The following PIP4K2A variants were observed in gnomAD, a reference collection of about 807,000 sequenced individuals.
The protein encoded by PIP4K2A is phosphatidylinositol 5-phosphate 4-kinase type-2 alpha.
A neutral mutation model predicts 42.9 loss-of-function variants in PIP4K2A; 14 were observed. The observed-to-expected ratio is 0.33, with a 90% CI of 0.22 to 0.51. The LOEUF (loss-of-function observed/expected upper bound fraction) is 0.51, where lower values mean the gene tolerates loss of function less well. Ranked by LOEUF, PIP4K2A falls within the 20% of genes least tolerant of loss-of-function variation. PIP4K2A has a pLI of 0.97. For synonymous variants in PIP4K2A, 192 were observed against 192.2 expected (o/e 1.00, Z 0.01); for missense variants, 434 against 519.8 (o/e 0.83, Z 1.61).
chr10:22,682,044 C>T (rs1485732376), intron 1 of PIP4K2A, among the ~76,000 whole-genome samples: 2 of 151,854 alleles, frequency 1.3e-5, no homozygotes, highest in Admixed American at 1.3e-4. Flanking sequence ...TTCGTGGCCA[C>T]ACAAAAACAA....
intron 1 of PIP4K2A, among the ~76,000 whole-genome samples, chr10:22,678,909 T>G (rs1280929574): frequency 6.6e-6 from 1 of 152,242 alleles, no homozygotes. Flanking sequence ...ATGTGTTCCC[T>G]ATGTATTGTC....
At chr10:22,545,021 G>C (rs1836227613) in intron 7 of PIP4K2A, among the ~76,000 whole-genome samples, 1 of 152,222 alleles carries the variant, frequency 6.6e-6, no homozygotes, top group Admixed American at 6.5e-5. Context: ...TCCCAAGCAA[G>C]GCAGCCCCAA....
At chr10:22,625,782 T>C (rs1426805436) in intron 1 of PIP4K2A, among the ~76,000 whole-genome samples, 1 of 152,200 alleles carries the variant, frequency 6.6e-6, no homozygotes, top group East Asian at 1.9e-4. Flanking sequence ...GCCACAGCAA[T>C]ATCATGTTTT....
chr10:22,545,058 C>T (rs1836228419), intron 7 of PIP4K2A, among the ~76,000 whole-genome samples: 2 of 152,230 alleles, frequency 1.3e-5, no homozygotes, highest in Admixed American at 1.3e-4. Flanking sequence ...TTGGCTTTCA[C>T]TGCATTCCCG....
intron 7 of PIP4K2A, among the ~76,000 whole-genome samples, chr10:22,544,161 G>A (rs964670498): frequency 1.3e-5 from 2 of 152,188 alleles, no homozygotes; most frequent in African/African-American, 2.4e-5. Context: ...GTGGGTCTCC[G>A]GAGGGTTAGG....
At chr10:22,709,509 G>A (rs1833879583) in intron 1 of PIP4K2A, among the ~76,000 whole-genome samples, 2 of 152,034 alleles carry the variant, frequency 1.3e-5, no homozygotes, top group South Asian at 4.2e-4. Context: ...TAATTACTCT[G>A]GTTGCCTGTA....
At chr10:22,580,573 C>A (rs12357384) in intron 4 of PIP4K2A, among the ~76,000 whole-genome samples, 36,458 of 149,554 alleles carry the variant, frequency 0.24, 5,529 homozygotes, top group Non-Finnish European at 0.34. Context: ...TATTATTTGA[C>A]CCGGTCATTC....
At chr10:22,573,560 T>A in intron 4 of PIP4K2A, 103 bp from the exon 5 acceptor site, 1 of 930,628 alleles carries the variant, frequency 1.1e-6, no homozygotes, top group Non-Finnish European at 1.6e-6. Context: ...AGTGAAAACC[T>A]CCAGCCATTA....
intron 5 of PIP4K2A, chr10:22,569,062 G>A: frequency 6.5e-7 from 1 of 1,533,934 alleles, no homozygotes; most frequent in South Asian, 1.2e-5. Flanking sequence ...CATCTGCAAA[G>A]AAATCAAAAT....
chr10:22,584,494 AGG>A (rs773574124), intron 4 of PIP4K2A, among the ~76,000 whole-genome samples: 59 of 152,112 alleles, frequency 3.9e-4, no homozygotes, highest in Non-Finnish European at 1.6e-4. Context: ...GAGAAACAGA[AGG>A]GGAGAGGTGA....
chr10:22,655,034 G>A (rs1195724075), intron 1 of PIP4K2A, among the ~76,000 whole-genome samples: 1 of 152,018 alleles, frequency 6.6e-6, no homozygotes, highest in African/African-American at 2.4e-5. Context: ...GGGGCCAGGA[G>A]TTTGAGACCA....
intron 1 of PIP4K2A, among the ~76,000 whole-genome samples, chr10:22,630,647 C>A (rs1043718186): frequency 6.6e-6 from 1 of 152,226 alleles, no homozygotes; most frequent in Admixed American, 6.5e-5. Context: ...TGTTTTTAGA[C>A]ATTAGCAAAT....
At chr10:22,560,098 T>C (rs887066451) in intron 6 of PIP4K2A, among the ~76,000 whole-genome samples, 1 of 152,180 alleles carries the variant, frequency 6.6e-6, no homozygotes, top group Non-Finnish European at 1.5e-5. Context: ...GGTAGTAGGA[T>C]TGGTGTCCCT....
At chr10:22,629,449 T>C (rs1838506904) in intron 1 of PIP4K2A, among the ~76,000 whole-genome samples, 1 of 152,162 alleles carries the variant, frequency 6.6e-6, no homozygotes, top group Non-Finnish European at 1.5e-5. Context: ...AGGAAAGCAA[T>C]CTATGCTAAC....
chr10:22,588,424 C>A (rs917969068), intron 4 of PIP4K2A, among the ~76,000 whole-genome samples: 5 of 152,180 alleles, frequency 3.3e-5, no homozygotes, highest in Non-Finnish European at 5.9e-5. Context: ...AGTACCAAGA[C>A]CACTTACATT....
At chr10:22,690,305 A>AT (rs1839839566) in intron 1 of PIP4K2A, among the ~76,000 whole-genome samples, 1 of 152,224 alleles carries the variant, frequency 6.6e-6, no homozygotes, top group African/African-American at 2.4e-5. Flanking sequence ...CACACAGCTA[A>AT]TAAGTGCTGA....
intron 1 of PIP4K2A, among the ~76,000 whole-genome samples, chr10:22,624,364 C>A (rs1473546571): frequency 6.6e-6 from 1 of 152,174 alleles, no homozygotes; most frequent in Non-Finnish European, 1.5e-5. Flanking sequence ...ATACTGCGGG[C>A]AGAGGCATAG....
In PIP4K2A at chr10:22,629,807, A is replaced by G. The variant is rs191249291; in HGVS notation, c.145-20090T>C. The stretch of plus-strand genomic sequence containing the variant: ...CTGTAGTTTTTGTTTTTATTAGCAC[A>G]TGTAGATACATGATACATGTGATAA... On this transcript the variant is annotated intron_variant, in intron 1 of 9. Transcript: ENST00000376573. 1.9e-3 allele frequency among the ~76,000 whole-genome samples: 295 copies of G among 152,324 alleles called. 3 individuals carry two copies. The highest frequency in any genetic ancestry group is 6.2e-3 in the African/African-American group (257 of 41,576).
At chr10:22,593,705 A>G (rs1246352170) in intron 3 of PIP4K2A, among the ~76,000 whole-genome samples, 1 of 152,264 alleles carries the variant, frequency 6.6e-6, no homozygotes, top group African/African-American at 2.4e-5. Context: ...TCTTTCAAAT[A>G]AAACAAGAAC....
Sources: gnomAD v4.1 joint callset for allele counts (sites outside exome capture counted in the v4.1 genomes callset) on GRCh38, gnomAD v4.1.1 for gene constraint, MANE v1.5 for transcripts, NCBI Gene and HGNC (gene_info 2026-07-23, HGNC 2026-07-21) for gene names.